The following DIP2B variants were observed in gnomAD, a reference collection of about 807,000 sequenced individuals.
DIP2B encodes the protein DIP2 acetate--CoA ligase B (putative).
DIP2B carries 76 observed loss-of-function variants against 198.0 expected under a neutral mutation model. That is an observed-to-expected ratio of 0.38 (90% CI 0.32 to 0.46). The LOEUF is 0.46. Ranked by LOEUF, DIP2B falls within the 20% of genes least tolerant of loss-of-function variation. The pLI is 0.99. For synonymous variants in DIP2B, 701 were observed against 739.1 expected, an observed-to-expected ratio of 0.95 and a Z score of 0.84; for missense variants, 1,559 against 1,978.4, an observed-to-expected ratio of 0.79 and a Z score of 4.02.
intron 1 of DIP2B, among the ~76,000 whole-genome samples, chr12:50,596,892 G>A (rs184621612): frequency 1.3e-4 from 20 of 152,140 alleles, no homozygotes; most frequent in Admixed American, 1.3e-3. Context: ...AAAACTTGGT[G>A]GTTATTACTT....
chr12:50,576,366 A>ATT (rs757139522), intron 1 of DIP2B, among the ~76,000 whole-genome samples: 1 of 149,798 alleles, frequency 6.7e-6, no homozygotes, highest in African/African-American at 2.4e-5. Context: ...TGCACCCAGC[A>ATT]TTTTTTTTTT....
intron 1 of DIP2B, among the ~76,000 whole-genome samples, chr12:50,585,090 T>C (rs139700543): frequency 2.0e-5 from 3 of 152,334 alleles, no homozygotes; most frequent in African/African-American, 7.2e-5. Flanking sequence ...GACTCTTCTG[T>C]TTCTGGCTCT....
At chr12:50,655,264 A>G (rs1037378601) in intron 3 of DIP2B, among the ~76,000 whole-genome samples, 41 of 152,240 alleles carry the variant, frequency 2.7e-4, no homozygotes, top group African/African-American at 9.4e-4. Flanking sequence ...AAAAAAATAC[A>G]ATATGCTTAC....
At chr12:50,602,406 A>G (rs918596610) in intron 1 of DIP2B, among the ~76,000 whole-genome samples, 4 of 152,030 alleles carry the variant, frequency 2.6e-5, no homozygotes, top group African/African-American at 9.7e-5. Flanking sequence ...GTAGCTGGGA[A>G]TACAGGCACA....
At chr12:50,524,049 G>A (rs981749771) in intron 1 of DIP2B, among the ~76,000 whole-genome samples, 23 of 152,158 alleles carry the variant, frequency 1.5e-4, no homozygotes, top group African/African-American at 5.3e-4. Flanking sequence ...ACAGAGCAGC[G>A]AGGGTATATT....
rs1183233607 is a variant in DIP2B at position 50,526,226 on chromosome 12, C to G, written c.100+20986C>G. Among the ~76,000 whole-genome samples, 3 of 152,170 alleles carry G rather than the reference C, an allele frequency of 2.0e-5. No homozygotes were observed. The East Asian group carries it at 5.8e-4, about 29-fold the overall frequency. On this transcript the variant is annotated intron_variant, in intron 1 of 37. Coordinates refer to ENST00000301180, the MANE Select transcript of DIP2B (RefSeq NM_173602.3). ...GCTTTAAAGAGTAAAGAAGTGTAGG[C>G]TCTGTCCCCAGGGTCTCTGCCAGGA...
At chr12:50,595,098 TATAAA>T (rs1958867270) in intron 1 of DIP2B, among the ~76,000 whole-genome samples, 1 of 152,254 alleles carries the variant, frequency 6.6e-6, no homozygotes, top group Non-Finnish European at 1.5e-5. Flanking sequence ...AAATTGGCCA[TATAAA>T]TTAAGCTCAA....
At chr12:50,640,920 A>G in intron 3 of DIP2B, 68 bp downstream of exon 3, 1 of 1,534,580 alleles carries the variant, frequency 6.5e-7, no homozygotes, top group Non-Finnish European at 8.8e-7. Flanking sequence ...GTGTATCCTG[A>G]GAGCTTCTAA....
At chr12:50,571,365 T>A (rs1253456107) in intron 1 of DIP2B, among the ~76,000 whole-genome samples, 1 of 151,698 alleles carries the variant, frequency 6.6e-6, no homozygotes, top group African/African-American at 2.4e-5. Context: ...AGAGATGGGG[T>A]TATGCCATGA....
chr12:50,539,071 G>C (rs1317696116), intron 1 of DIP2B, among the ~76,000 whole-genome samples: 2 of 152,016 alleles, frequency 1.3e-5, no homozygotes, highest in Non-Finnish European at 1.5e-5. Context: ...AAACGTCTTT[G>C]TCTCATTTGA....
At chr12:50,699,953 G>T (rs180878639) in intron 19 of DIP2B, among the ~76,000 whole-genome samples, 2 of 151,876 alleles carry the variant, frequency 1.3e-5, no homozygotes, top group Admixed American at 1.3e-4. Flanking sequence ...ATTTGCCATG[G>T]TTTGAGCTTT....
At chr12:50,604,668 G>C (rs1267340635) in intron 1 of DIP2B, among the ~76,000 whole-genome samples, 3 of 152,148 alleles carry the variant, frequency 2.0e-5, no homozygotes, top group Admixed American at 1.3e-4. Flanking sequence ...TTGTTGCCCA[G>C]GCTGGGCTCT....
chr12:50,529,109 G>A (rs913872343), intron 1 of DIP2B, among the ~76,000 whole-genome samples: 1 of 152,104 alleles, frequency 6.6e-6, no homozygotes, highest in Admixed American at 6.6e-5. Context: ...TTATTTTGGG[G>A]GAAGATAGGA....
chr12:50,543,944 A>AAAT (rs71083596), intron 1 of DIP2B, among the ~76,000 whole-genome samples: 1 of 146,458 alleles, frequency 6.8e-6, no homozygotes, highest in Non-Finnish European at 1.5e-5. Flanking sequence ...AAAAAAAAAA[A>AAAT]GGAGGCTGGG....
At chr12:50,599,462 A>T (rs1182508998) in intron 1 of DIP2B, among the ~76,000 whole-genome samples, 2 of 152,066 alleles carry the variant, frequency 1.3e-5, no homozygotes, top group Non-Finnish European at 2.9e-5. Flanking sequence ...CTGAAAATAC[A>T]AAAAATTAGG....
At chr12:50,597,220 A>G (rs1006415240) in intron 1 of DIP2B, among the ~76,000 whole-genome samples, 1 of 152,204 alleles carries the variant, frequency 6.6e-6, no homozygotes. Context: ...CATTCTTTTT[A>G]AGGGCTCAAT....
Position 50,505,231 on chromosome 12 carries a change from C to T in DIP2B, c.91C>T (p.Leu31Phe). Residue 31 changes from leucine (L) to phenylalanine (F), a missense_variant, in exon 1 of 38, where the codon CTC becomes TTC. Leu to Phe is a conservative substitution (Grantham distance 22). Transcript: ENST00000301180. ...GCAGCTGGCGGAGCTGGAGCTGGAG[C>T]TCTCGGAGGGTAGGAGCCGGGCCGG... ...RAQLAELELELSEGDITQKGY... is the reference protein window; with the variant it reads ...RAQLAELELEFSEGDITQKGY... 1 of 1,516,598 alleles carries T rather than the reference C, an allele frequency of 6.6e-7. No homozygotes were observed. The highest frequency in any genetic ancestry group is 8.8e-7 in the Non-Finnish European group (1 of 1,138,288). 93.9% of individuals were successfully genotyped at this position (1,516,598 alleles called of 1,614,324 possible).
At chr12:50,637,970 A>G (rs982944098) in intron 2 of DIP2B, among the ~76,000 whole-genome samples, 24 of 152,330 alleles carry the variant, frequency 1.6e-4, no homozygotes, top group African/African-American at 5.5e-4. Context: ...ACTTACATAC[A>G]TATTGATCAT....
chr12:50,700,849 T>G (rs1322435280), intron 19 of DIP2B, among the ~76,000 whole-genome samples: 1 of 152,208 alleles, frequency 6.6e-6, no homozygotes, highest in East Asian at 1.9e-4. Flanking sequence ...TGTATATACA[T>G]TTAACTAATT....
Sources: allele counts gnomAD v4.1 joint callset (sites outside exome capture counted in the v4.1 genomes callset), GRCh38; gene constraint gnomAD v4.1.1; transcripts MANE v1.5; gene names NCBI Gene and HGNC (gene_info 2026-07-23, HGNC 2026-07-21).